The following EML2 variants were observed in gnomAD, a reference collection of about 807,000 sequenced individuals.
EML2 encodes the protein echinoderm microtubule-associated protein-like 2.
Under a neutral mutation model 84.7 loss-of-function variants are expected in EML2, and 59 were observed. The ratio of observed to expected loss-of-function variants is 0.70; its 90% CI spans 0.56 to 0.86. The LOEUF is 0.86. Ranked by LOEUF, EML2 falls within the 40% of genes least tolerant of loss-of-function variation. EML2 has a pLI of 0.00. For synonymous variants in EML2, 352 were observed against 348.9 expected, an observed-to-expected ratio of 1.01 and a Z score of -0.10; for missense variants, 818 against 855.6, an observed-to-expected ratio of 0.96 and a Z score of 0.55.
upstream of EML2, chr19:45,645,406 T>G (rs1212711854): frequency 6.1e-6 from 9 of 1,478,368 alleles, no homozygotes; most frequent in Admixed American, 2.4e-5. Context: ...AACCAGGCCC[T>G]GCCTCCCGTT....
At chr19:45,612,583 C>T (rs1970605308) in intron 18 of EML2, among the ~76,000 whole-genome samples, 2 of 151,954 alleles carry the variant, frequency 1.3e-5, no homozygotes, top group African/African-American at 4.8e-5. Context: ...CTGAGGTGGG[C>T]GGACCGCTTG....
intron 3 of EML2, among the ~76,000 whole-genome samples, chr19:45,635,224 C>T (rs1045339868): frequency 5.3e-5 from 8 of 152,146 alleles, no homozygotes; most frequent in South Asian, 4.2e-4. Flanking sequence ...CTGCAACCTC[C>T]GCCTCCTGGG....
chr19:45,616,204 G>C (rs1350914695), intron 15 of EML2: 2 of 543,250 alleles, frequency 3.7e-6, no homozygotes, highest in Non-Finnish European at 6.6e-6. Context: ...GGGCGGTCTC[G>C]GAACGTGAGG....
At chr19:45,618,622 G>T (rs774681046) in intron 12 of EML2, among the ~76,000 whole-genome samples, 4 of 151,940 alleles carry the variant, frequency 2.6e-5, no homozygotes, top group Non-Finnish European at 4.4e-5. Context: ...TAAGCACCCA[G>T]TTCCCTAGAT....
intron 9 of EML2, among the ~76,000 whole-genome samples, chr19:45,623,765 G>C (rs1971994877): frequency 6.6e-6 from 1 of 152,080 alleles, no homozygotes; most frequent in Non-Finnish European, 1.5e-5. Flanking sequence ...TGGCCAGGCT[G>C]GTCTTAAACT....
At chr19:45,616,198 G>A (rs1971042909) in intron 15 of EML2, 6 of 548,140 alleles carry the variant, frequency 1.1e-5, no homozygotes, top group Non-Finnish European at 2.0e-5. Flanking sequence ...ACAGAGGGGC[G>A]GTCTCGGAAC....
upstream of EML2, chr19:45,643,638 G>C: frequency 2.0e-6 from 3 of 1,536,136 alleles, no homozygotes; most frequent in Non-Finnish European, 2.6e-6. Context: ...TGGAAGTAAA[G>C]GTGGTAGCTT....
chr19:45,628,482 A>G (rs1311137767), intron 7 of EML2, among the ~76,000 whole-genome samples: 2 of 152,106 alleles, frequency 1.3e-5, no homozygotes, highest in Non-Finnish European at 2.9e-5. Context: ...TCCAGAGCAC[A>G]GCCTCCGCAC....
intron 8 of EML2, among the ~76,000 whole-genome samples, chr19:45,625,168 C>T (rs1020675116): frequency 9.2e-5 from 14 of 152,132 alleles, no homozygotes; most frequent in African/African-American, 2.9e-4. Flanking sequence ...CGGGTTCAAA[C>T]GATTCTCCTG....
chr19:45,641,324 C>T (rs749483391), upstream of EML2: 45 of 283,852 alleles, frequency 1.6e-4, no homozygotes, highest in Non-Finnish European at 2.7e-4. Flanking sequence ...ATCCCTGAAA[C>T]TCAACGGGGC....
chr19:45,634,493 T>C, intron 3 of EML2, 22 bp from the exon 4 acceptor site: 4 of 1,593,726 alleles, frequency 2.5e-6, no homozygotes, highest in Non-Finnish European at 3.4e-6. Flanking sequence ...CAGGGGCTGG[T>C]TAAGGAATGT....
Position 45,631,021 on chromosome 19 carries a change from A to G in EML2, c.511-975T>C, listed in dbSNP as rs1972965749. ...CCACCACTGCCCTCCTAATTTTTGTATTTTTAGTAGAGACAGGGTTTCACT... is the reference window on the plus strand; with the variant it reads ...CCACCACTGCCCTCCTAATTTTTGTGTTTTTAGTAGAGACAGGGTTTCACT... On this transcript the variant is annotated intron_variant, in intron 6 of 18. Transcript: ENST00000245925. 2.6e-5 allele frequency among the ~76,000 whole-genome samples: 4 copies of G among 151,804 alleles called. No homozygotes were observed. In the South Asian group the frequency reaches 8.3e-4, roughly 32 times the overall value.
At chr19:45,620,828 G>A in intron 11 of EML2, 1 of 366,594 alleles carries the variant, frequency 2.7e-6, no homozygotes, top group Admixed American at 3.7e-5. Context: ...AGGCGTTTGA[G>A]CTTCGAGAAG....
chr19:45,616,879 G>A (rs1448119686), intron 13 of EML2, 26 bp from the exon 14 acceptor site: 8 of 1,552,326 alleles, frequency 5.2e-6, no homozygotes, highest in Non-Finnish European at 7.1e-6. Context: ...GTGGTGGGGG[G>A]AGGAGGGGTG....
chr19:45,626,199 A>G (rs1225729178), intron 8 of EML2, among the ~76,000 whole-genome samples: 1 of 151,772 alleles, frequency 6.6e-6, no homozygotes, highest in Non-Finnish European at 1.5e-5. Context: ...TTTTGTAGAT[A>G]TGAGGTCTCA....
chr19:45,643,544 G>GC (rs1486475527), upstream of EML2: 4 of 1,535,750 alleles, frequency 2.6e-6, no homozygotes, highest in African/African-American at 2.7e-5. Flanking sequence ...GACCGAAGTG[G>GC]CCCCTCTCCC....
upstream of EML2, chr19:45,640,611 G>A (rs1005306687): frequency 6.6e-6 from 1 of 152,052 alleles, no homozygotes; most frequent in Non-Finnish European, 1.5e-5. Flanking sequence ...TAGACAGGGG[G>A]TTTCACCATG....
At chr19:45,641,542 C>T (rs1219833025), upstream of EML2, 3 of 1,219,990 alleles carry the variant, frequency 2.5e-6, no homozygotes, top group South Asian at 1.4e-5. Flanking sequence ...CTAGCTGGCC[C>T]CACTCTAGGT....
In EML2 at chr19:45,626,617, C is replaced by A. The variant is rs1972359410; in HGVS notation, c.741+88G>T. 9 of 1,463,320 alleles carry A rather than the reference C, an allele frequency of 6.2e-6. No homozygotes were observed. In the South Asian group the frequency reaches 1.1e-4, roughly 17 times the overall value. The allele number at this position is 1,463,320 out of a possible 1,614,324, so 90.6% of individuals were successfully genotyped here. A position where few individuals can be genotyped will look rare whatever the true frequency, so the allele number is the denominator to read the frequency against. On this transcript the variant is annotated intron_variant, in intron 8 of 18. Coordinates refer to ENST00000245925, the MANE Select transcript of EML2 (RefSeq NM_012155.4). ...GCGTCCCTGTAATCCCAAACCCCTGCCACCCTCTGGGGGATCTTGCTACCT... is the reference window on the plus strand; with the variant it reads ...GCGTCCCTGTAATCCCAAACCCCTGACACCCTCTGGGGGATCTTGCTACCT...
Sources: allele counts gnomAD v4.1 joint callset (sites outside exome capture counted in the v4.1 genomes callset), GRCh38; gene constraint gnomAD v4.1.1; transcripts MANE v1.5; gene names NCBI Gene and HGNC (gene_info 2026-07-23, HGNC 2026-07-21).